GABRA3: variants seen among roughly 807,000 people sequenced by gnomAD.
GABRA3 encodes the protein gamma-aminobutyric acid type A receptor subunit alpha3.
GABRA3 carries 10 observed loss-of-function variants against 30.1 expected under a neutral mutation model. That is an observed-to-expected ratio of 0.33 (90% CI 0.20 to 0.56). The LOEUF (loss-of-function observed/expected upper bound fraction) is 0.56, where lower values mean the gene tolerates loss of function less well. Among genes scored for constraint, GABRA3 ranks in the 20% least tolerant of loss-of-function variants. The pLI, the probability that GABRA3 is intolerant of heterozygous loss-of-function variation, is 0.89. For missense variants in GABRA3, 233 were observed against 392.0 expected, an observed-to-expected ratio of 0.59 and a Z score of 3.42; for synonymous variants, 151 against 146.8, an observed-to-expected ratio of 1.03 and a Z score of -0.21.
chrX:152,180,218 G>A (rs190837778), intron 9 of GABRA3, among the ~76,000 whole-genome samples: 112 of 111,753 alleles, frequency 1.0e-3, no homozygotes, highest in Admixed American at 2.2e-3. Flanking sequence ...AGTTATCTTC[G>A]GTCTTTTTGA....
chrX:152,380,699 C>T (rs982839516), intron 1 of GABRA3, among the ~76,000 whole-genome samples: 6 of 112,087 alleles, frequency 5.4e-5, no homozygotes, highest in Non-Finnish European at 9.4e-5. Context: ...ATGTAATTTA[C>T]ATTCCCACCA....
intron 2 of GABRA3, among the ~76,000 whole-genome samples, chrX:152,349,222 A>G (rs1940436803): frequency 9.3e-6 from 1 of 107,020 alleles, no homozygotes; most frequent in Non-Finnish European, 1.9e-5. Context: ...CGTCTGTAAG[A>G]AGCAACTCAT....
intron 1 of GABRA3, among the ~76,000 whole-genome samples, chrX:152,441,893 C>T (rs1055581767): frequency 9.0e-6 from 1 of 111,536 alleles, no homozygotes; most frequent in African/African-American, 3.2e-5. Context: ...TTTTGGAGAA[C>T]ATTTTTTATG....
intron 3 of GABRA3, among the ~76,000 whole-genome samples, chrX:152,341,130 G>C (rs1247823648): frequency 3.6e-5 from 4 of 110,775 alleles, no homozygotes; most frequent in African/African-American, 1.3e-4. Context: ...ATAGTATTTG[G>C]TTTTCCATTT....
intron 9 of GABRA3, among the ~76,000 whole-genome samples, chrX:152,186,599 ATC>A (rs765821292): frequency 6.2e-5 from 6 of 96,190 alleles, no homozygotes; most frequent in African/African-American, 1.1e-4. Context: ...TCCTTCCTTT[ATC>A]TCTCTCTCTC....
At chrX:152,262,111 G>C (rs922794788) in intron 4 of GABRA3, among the ~76,000 whole-genome samples, 3 of 112,338 alleles carry the variant, frequency 2.7e-5, no homozygotes, top group Non-Finnish European at 5.6e-5. Flanking sequence ...CACAGCTGGA[G>C]CTGAAGCAAC....
At chrX:152,280,764 C>A (rs917836940) in intron 4 of GABRA3, among the ~76,000 whole-genome samples, 1 of 111,084 alleles carries the variant, frequency 9.0e-6, no homozygotes, top group Non-Finnish European at 1.9e-5. Context: ...TTCTCTGTGG[C>A]AGCTGACACT....
chrX:152,321,077 C>A (rs142925578), intron 3 of GABRA3, among the ~76,000 whole-genome samples: 70 of 112,045 alleles, frequency 6.2e-4, no homozygotes, highest in African/African-American at 1.9e-3. Context: ...CCAGAATCTT[C>A]TCTGCTATAG....
chrX:152,373,007 T>C (rs1379114376), intron 1 of GABRA3, among the ~76,000 whole-genome samples: 1 of 111,993 alleles, frequency 8.9e-6, no homozygotes, highest in Non-Finnish European at 1.9e-5. Flanking sequence ...TCATGCCTCC[T>C]ATCTGTATCA....
intron 3 of GABRA3, among the ~76,000 whole-genome samples, chrX:152,307,506 A>T (rs1039343442): frequency 1.1e-4 from 12 of 111,795 alleles, no homozygotes; most frequent in Non-Finnish European, 3.8e-5. Flanking sequence ...TAGTTTATTT[A>T]AAAAATATGG....
In GABRA3 at chrX:152,421,517, A is replaced by G. The variant is rs183022197; in HGVS notation, c.-27+29629T>C. On this transcript the variant is annotated intron_variant, in intron 1 of 9. Coordinates refer to ENST00000370314, the MANE Select transcript of GABRA3 (RefSeq NM_000808.4). Reference sequence around the variant, plus strand: ...TAAATGGAACTAAAAAGTATTAACCATAAAGTAAAAGTCTGATCAACTAGA... The same window carrying G: ...TAAATGGAACTAAAAAGTATTAACCGTAAAGTAAAAGTCTGATCAACTAGA... Among the ~76,000 whole-genome samples, 19 of 111,753 alleles carry G rather than the reference A, an allele frequency of 1.7e-4. No homozygotes were observed. In the East Asian group the frequency reaches 4.8e-3, roughly 28 times the overall value.
At chrX:152,182,727 G>GTATATAC (rs1175920635) in intron 9 of GABRA3, among the ~76,000 whole-genome samples, 3 of 4,244 alleles carry the variant, frequency 7.1e-4, no homozygotes, top group Non-Finnish European at 1.2e-3. Context: ...TATAGGTATA[G>GTATATAC]TGTATATATA....
At chrX:152,303,361 G>A (rs1265822577) in intron 3 of GABRA3, among the ~76,000 whole-genome samples, 1 of 111,998 alleles carries the variant, frequency 8.9e-6, no homozygotes, top group African/African-American at 3.3e-5. Context: ...TTACACTGTT[G>A]TTGGGAGTGT....
At chrX:152,414,524 T>C (rs1022606690) in intron 1 of GABRA3, among the ~76,000 whole-genome samples, 1 of 111,231 alleles carries the variant, frequency 9.0e-6, no homozygotes, top group Non-Finnish European at 1.9e-5. Context: ...TTCCAAAACA[T>C]TGACAATACC....
intron 3 of GABRA3, among the ~76,000 whole-genome samples, chrX:152,297,893 T>C (rs1014051785): frequency 8.9e-6 from 1 of 112,151 alleles, no homozygotes; most frequent in African/African-American, 3.2e-5. Context: ...TAGGACTTCC[T>C]TGGAGCACCA....
chrX:152,342,508 C>T (rs1476109816), intron 3 of GABRA3, among the ~76,000 whole-genome samples: 2 of 110,720 alleles, frequency 1.8e-5, no homozygotes, highest in Non-Finnish European at 3.8e-5. Flanking sequence ...ATTATTATTG[C>T]TATATCCTTA....
At chrX:152,232,815 T>C (rs1210821099) in intron 5 of GABRA3, among the ~76,000 whole-genome samples, 1 of 110,411 alleles carries the variant, frequency 9.1e-6, no homozygotes, top group African/African-American at 3.3e-5. Flanking sequence ...TAATGATTTG[T>C]CTTTGTGTAG....
At chrX:152,264,791 G>C (rs1218363661) in intron 4 of GABRA3, among the ~76,000 whole-genome samples, 3 of 110,989 alleles carry the variant, frequency 2.7e-5, no homozygotes, top group African/African-American at 9.8e-5. Flanking sequence ...TGAAAATAAA[G>C]GGATGGAAAA....
intron 5 of GABRA3, among the ~76,000 whole-genome samples, chrX:152,244,792 A>G (rs1938436394): frequency 9.0e-6 from 1 of 111,501 alleles, no homozygotes; most frequent in Admixed American, 9.6e-5. Context: ...TATACACATA[A>G]TATTTGTATA....
Sources: gnomAD v4.1 joint callset for allele counts (sites outside exome capture counted in the v4.1 genomes callset) on GRCh38, gnomAD v4.1.1 for gene constraint, MANE v1.5 for transcripts, NCBI Gene and HGNC (gene_info 2026-07-23, HGNC 2026-07-21) for gene names.